Variants in RSF1 observed in about 807,000 individuals in gnomAD.
RSF1 encodes HBV pX-associated protein 8.
A neutral mutation model predicts 145.2 loss-of-function variants in RSF1; 13 were observed. That is an observed-to-expected ratio of 0.09 (90% CI 0.06 to 0.14). RSF1 has a LOEUF of 0.14. Among genes scored for constraint, RSF1 ranks in the 10% least tolerant of loss-of-function variants. RSF1 has a pLI of 1.00. For missense variants in RSF1, 1,517 were observed against 1,718.2 expected (o/e 0.88, Z 2.07); for synonymous variants, 577 against 592.6 (o/e 0.97, Z 0.38).
the RSF1 span, among the ~76,000 whole-genome samples, chr11:77,833,006 T>TAC: frequency 1.2e-5 from 1 of 86,780 alleles, no homozygotes; most frequent in Non-Finnish European, 2.2e-5. Flanking sequence ...TGTATATATA[T>TAC]ATATTTTTTT....
At chr11:77,753,835 T>A (rs187722689) in intron 2 of RSF1, among the ~76,000 whole-genome samples, 9 of 152,338 alleles carry the variant, frequency 5.9e-5, no homozygotes, top group Admixed American at 3.9e-4. Flanking sequence ...GTTTGTTGTA[T>A]GTCTGATAAC....
chr11:77,750,506 TA>T (rs1948050835), intron 2 of RSF1, among the ~76,000 whole-genome samples: 1 of 152,256 alleles, frequency 6.6e-6, no homozygotes, highest in Non-Finnish European at 1.5e-5. Context: ...TCTAAATATG[TA>T]AAAACCATTC....
At chr11:77,728,901 C>A (rs1440295866) in intron 4 of RSF1, among the ~76,000 whole-genome samples, 1 of 150,192 alleles carries the variant, frequency 6.7e-6, no homozygotes, top group Admixed American at 6.6e-5. Flanking sequence ...ATATATTTTA[C>A]AAAAAAGAGA....
At chr11:77,698,761 A>G in intron 6 of RSF1, 68 bp from the exon 7 acceptor site, 1 of 1,298,622 alleles carries the variant, frequency 7.7e-7, no homozygotes, top group Non-Finnish European at 1.1e-6. Context: ...TCCTGATTAC[A>G]TGTCCATTGT....
chr11:77,744,878 T>C (rs1947982776), intron 3 of RSF1, among the ~76,000 whole-genome samples: 1 of 152,228 alleles, frequency 6.6e-6, no homozygotes, highest in African/African-American at 2.4e-5. Flanking sequence ...AGGACTACTA[T>C]TAGTTATTCT....
At chr11:77,766,785 GA>G (rs1174857248) in intron 1 of RSF1, among the ~76,000 whole-genome samples, 1 of 152,164 alleles carries the variant, frequency 6.6e-6, no homozygotes. Flanking sequence ...CTTAATGATT[GA>G]ATTGGAGGAA....
chr11:77,671,162 TA>T (rs1565142949), intron 15 of RSF1, among the ~76,000 whole-genome samples: 1 of 87,984 alleles, frequency 1.1e-5, no homozygotes, highest in East Asian at 3.1e-4. Flanking sequence ...TATATATATA[TA>T]TATATATATA....
chr11:77,851,640 T>C, the RSF1 span: 1 of 151,998 alleles, frequency 6.6e-6, no homozygotes, highest in Non-Finnish European at 1.5e-5. Flanking sequence ...AGTGAGTGAG[T>C]TGTCAAGAGA....
intron 8 of RSF1, 47 bp from the exon 9 acceptor site, chr11:77,691,285 ATCATTTATT>A: frequency 3.9e-6 from 6 of 1,532,424 alleles, no homozygotes; most frequent in Non-Finnish European, 5.4e-6. Context: ...ACTTTTAGCA[ATCATTTATT>A]ACATACATGT....
chr11:77,667,744 C>T (rs1002599756), intron 15 of RSF1, among the ~76,000 whole-genome samples: 2 of 152,150 alleles, frequency 1.3e-5, no homozygotes, highest in Non-Finnish European at 1.5e-5. Flanking sequence ...CGCACTGTTG[C>T]CCTGGCTAGA....
chr11:77,695,312 C>T (rs1454524236), intron 7 of RSF1, among the ~76,000 whole-genome samples: 1 of 151,966 alleles, frequency 6.6e-6, no homozygotes, highest in African/African-American at 2.4e-5. Flanking sequence ...CTGCTTGCAA[C>T]GATTGTTACT....
chr11:77,807,316 C>T (rs1948687130), intron 1 of RSF1, among the ~76,000 whole-genome samples: 1 of 152,160 alleles, frequency 6.6e-6, no homozygotes, highest in Non-Finnish European at 1.5e-5. Flanking sequence ...TATGATTTCC[C>T]CTGGCCAAAA....
At chr11:77,797,884 T>G (rs1046706717) in intron 1 of RSF1, among the ~76,000 whole-genome samples, 4 of 152,196 alleles carry the variant, frequency 2.6e-5, no homozygotes, top group Non-Finnish European at 4.4e-5. Context: ...AAGACATTTA[T>G]GCAGCCACAG....
intron 8 of RSF1, 107 bp downstream of exon 8, chr11:77,693,400 T>C: frequency 1.5e-6 from 1 of 679,308 alleles, no homozygotes; most frequent in East Asian, 2.8e-5. Flanking sequence ...GTAAATACTA[T>C]TTACACATTG....
intron 4 of RSF1, among the ~76,000 whole-genome samples, chr11:77,739,867 G>A (rs1961464001): frequency 2.0e-5 from 3 of 152,182 alleles, no homozygotes; most frequent in Admixed American, 2.0e-4. Flanking sequence ...TATATTTCAT[G>A]GTTATATATT....
At chr11:77,725,824 T>C in intron 4 of RSF1, 125 bp from the exon 5 acceptor site, 1 of 646,936 alleles carries the variant, frequency 1.5e-6, no homozygotes, top group Non-Finnish European at 2.3e-6. Context: ...AAAACACTGG[T>C]ACAGCTAGCC....
intron 3 of RSF1, among the ~76,000 whole-genome samples, chr11:77,746,114 T>C (rs1232396824): frequency 1.3e-5 from 2 of 152,118 alleles, no homozygotes; most frequent in Non-Finnish European, 2.9e-5. Flanking sequence ...ATTTCAAAAA[T>C]TGGGATTAAT....
chr11:77,871,195 G>C, the RSF1 span, among the ~76,000 whole-genome samples: 6 of 152,106 alleles, frequency 3.9e-5, no homozygotes, highest in East Asian at 1.9e-4. Flanking sequence ...CAAATATATA[G>C]AAAATATAGG....
chr11:77,759,235 G>A (rs1341964956), intron 2 of RSF1, among the ~76,000 whole-genome samples: 1 of 152,156 alleles, frequency 6.6e-6, no homozygotes, highest in Non-Finnish European at 1.5e-5. Context: ...CACAAACCAG[G>A]TGCAGTGGCT....
Sources: gnomAD v4.1 joint callset for allele counts (sites outside exome capture counted in the v4.1 genomes callset) on GRCh38, gnomAD v4.1.1 for gene constraint, MANE v1.5 for transcripts, NCBI Gene and HGNC (gene_info 2026-07-23, HGNC 2026-07-21) for gene names.